Variants in RGS20 observed in about 807,000 individuals in gnomAD.
RGS20 encodes gz-selective GTPase-activating protein.
RGS20 carries 30 observed loss-of-function variants against 33.6 expected under a neutral mutation model. That is an observed-to-expected ratio of 0.89 (90% CI 0.67 to 1.21). The LOEUF is 1.21. Among genes scored for constraint, RGS20 ranks in the 50% most tolerant of loss-of-function variants. RGS20 has a pLI of 0.00. For synonymous variants in RGS20, 208 were observed against 197.9 expected (o/e 1.05, Z -0.43); for missense variants, 472 against 502.4 (o/e 0.94, Z 0.58).
intron 2 of RGS20, among the ~76,000 whole-genome samples, chr8:53,938,096 G>A (rs967821060): frequency 6.6e-6 from 1 of 152,130 alleles, no homozygotes; most frequent in Admixed American, 6.5e-5. Flanking sequence ...TATGTTTATT[G>A]AGGCACTGTT....
Position 53,939,645 on chromosome 8 carries a change from G to T in RGS20, c.580G>T (p.Ala194Ser). Reference sequence around the variant, plus strand: ...CGCCGCCCAGGACACACCAGGCGCCGCCCCAGGCCAGCCCGGAGCGGGGAG... The same window carrying T: ...CGCCGCCCAGGACACACCAGGCGCCTCCCCAGGCCAGCCCGGAGCGGGGAG... Residue 194 changes from alanine to serine, a missense_variant, in exon 3 of 6, where the codon GCC (alanine) becomes TCC (serine). Ala to Ser is a moderately conservative substitution (Grantham distance 99, BLOSUM62 1). Transcript: ENST00000297313. 3.8e-6 allele frequency: 6 copies of T among 1,598,994 alleles called. No homozygotes were observed. The highest frequency in any genetic ancestry group is 4.3e-6 in the Non-Finnish European group (5 of 1,173,820).
Position 53,873,416 on chromosome 8 carries a change from T to C in RGS20, c.166-5842T>C, listed in dbSNP as rs545118542. 2.0e-5 allele frequency among the ~76,000 whole-genome samples: 3 copies of C among 152,352 alleles called. No individual in the cohort carries two copies. The South Asian group carries it at 6.2e-4, about 32-fold the overall frequency. On this transcript the variant is annotated intron_variant, in intron 1 of 5. Coordinates refer to ENST00000297313, the MANE Select transcript of RGS20 (RefSeq NM_170587.4). ...ATTCTCCCCTCTTCTCAGCCTCTAG[T>C]AACCTCTATTCTATTTTCTGTCTCT...
Position 53,879,373 on chromosome 8 carries a change from C to T in RGS20, c.281C>T (p.Pro94Leu), listed in dbSNP as rs1321838968. The change falls in exon 2 of 6, where the codon CCT becomes CTT. Residue 94 changes from proline to leucine, a missense_variant. Coordinates refer to ENST00000297313, the MANE Select transcript of RGS20 (RefSeq NM_170587.4). ...TTCTCTCACCTTCTCCGGCGACCCC[C>T]TCCCGAGGCTCCCCGGAGGCGCCTG... 6.2e-7 allele frequency: 1 copy of T among 1,611,594 alleles called. No homozygotes were observed. The highest frequency in any genetic ancestry group is 1.7e-5 in the Admixed American group (1 of 60,008).
intron 1 of RGS20, among the ~76,000 whole-genome samples, chr8:53,860,086 T>C (rs1362740731): frequency 6.6e-6 from 1 of 152,242 alleles, no homozygotes; most frequent in Admixed American, 6.5e-5. Flanking sequence ...TTGTGTCACT[T>C]AAGAGTTTAT....
chr8:53,898,681 T>C (rs1422372824), intron 2 of RGS20, among the ~76,000 whole-genome samples: 2 of 152,390 alleles, frequency 1.3e-5, no homozygotes, highest in East Asian at 1.9e-4. Flanking sequence ...TAATTGCACA[T>C]ATTTATTGTT....
At chr8:53,883,252 G>C (rs1003997112) in intron 2 of RGS20, among the ~76,000 whole-genome samples, 2 of 151,734 alleles carry the variant, frequency 1.3e-5, no homozygotes, top group African/African-American at 2.4e-5. Flanking sequence ...CGCCTCCTGG[G>C]TTCAAGAGAT....
chr8:53,949,838 C>T (rs914724495), intron 4 of RGS20, among the ~76,000 whole-genome samples: 1 of 140,264 alleles, frequency 7.1e-6, no homozygotes, highest in Non-Finnish European at 1.5e-5. Flanking sequence ...ACACTGTTAA[C>T]ACATTTCTTT....
intron 2 of RGS20, among the ~76,000 whole-genome samples, chr8:53,886,841 A>G (rs1192325395): frequency 6.6e-6 from 1 of 152,238 alleles, no homozygotes; most frequent in Admixed American, 6.5e-5. Flanking sequence ...ATCAACACTT[A>G]TACAGCTGTT....
chr8:53,881,101 C>G lies in RGS20; in HGVS notation c.510+1499C>G, dbSNP rs759930307. The G allele has an allele frequency of 1.9e-5, 28 of 1,510,152 alleles. No individual in the cohort carries two copies. Among genetic ancestry groups the G allele is most frequent in the Non-Finnish European group, 2.5e-5 (28 of 1,137,218 alleles). The allele number at this position is 1,510,152 out of a possible 1,614,324, so 93.5% of individuals were successfully genotyped here. A position where few individuals can be genotyped will look rare whatever the true frequency, so the allele number is the denominator to read the frequency against. Reference sequence around the variant, plus strand: ...GGTGGGCTCGTGAGTATCCCAGTTCCTCGAACTCTCTTTCTTCGTCTCGGG... The same window carrying G: ...GGTGGGCTCGTGAGTATCCCAGTTCGTCGAACTCTCTTTCTTCGTCTCGGG... On this transcript the variant is annotated intron_variant, in intron 2 of 5. Transcript: ENST00000297313.
intron 2 of RGS20, among the ~76,000 whole-genome samples, chr8:53,931,154 T>C (rs1446189041): frequency 1.3e-5 from 2 of 152,140 alleles, no homozygotes; most frequent in Admixed American, 6.5e-5. Context: ...CAGAGCACTG[T>C]GGGTGGTCTC....
rs112379704 is a variant in RGS20, at chr8:53,942,617, G to A, written c.659+2893G>A. Among the ~76,000 whole-genome samples the A allele has an allele frequency of 6.0e-3, 914 of 152,136 alleles. 12 individuals are homozygous for A. Among genetic ancestry groups the A allele is most frequent in the African/African-American group, 0.021 (877 of 41,504 alleles). On this transcript the variant is annotated intron_variant, in intron 3 of 5. Coordinates refer to ENST00000297313, the MANE Select transcript of RGS20 (RefSeq NM_170587.4). The stretch of plus-strand genomic sequence containing the variant: ...TTCTAAAGGGTATAGACAGGAGAAT[G>A]GATGAATATATTGTGGTATAGTTAT...
chr8:53,874,763 T>C (rs539846124), intron 1 of RGS20, among the ~76,000 whole-genome samples: 2 of 152,340 alleles, frequency 1.3e-5, no homozygotes, highest in African/African-American at 4.8e-5. Flanking sequence ...TCTGTGTGTA[T>C]ATCTGTGTCG....
At position 53,879,255 on chromosome 8, in the gene RGS20, C is replaced by A. The variant is rs1191116287; in HGVS notation, c.166-3C>A. ...TGGTTTTGTTTCTCTCTCCCCACCC[C>A]AGTCCTTCCCGCCTGCACAGCTCCC... On this transcript the variant is annotated splice_region_variant and splice_polypyrimidine_tract_variant and intron_variant, in intron 1 of 5. Transcript: ENST00000297313. 5 of 1,613,032 alleles carry A rather than the reference C, an allele frequency of 3.1e-6. No individual in the cohort carries two copies. The East Asian group carries it at 8.9e-5, about 29-fold the overall frequency.
intron 2 of RGS20, chr8:53,933,536 A>C (rs1814037890): frequency 6.6e-6 from 1 of 152,230 alleles, no homozygotes; most frequent in Non-Finnish European, 1.5e-5. Context: ...TTAATGAAAT[A>C]AAGTGTGAAG....
chr8:53,936,923 G>C (rs1460083020), intron 2 of RGS20, among the ~76,000 whole-genome samples: 1 of 152,082 alleles, frequency 6.6e-6, no homozygotes, highest in African/African-American at 2.4e-5. Context: ...CAGAACAGAG[G>C]CCTCAGAAAT....
intron 2 of RGS20, chr8:53,879,883 C>G: frequency 2.6e-6 from 1 of 381,262 alleles, no homozygotes; most frequent in Non-Finnish European, 4.6e-6. Context: ...CGCTCTTCCC[C>G]GAGGCTGCCT....
chr8:53,882,097 C>G (rs927080570), intron 2 of RGS20, among the ~76,000 whole-genome samples: 3 of 152,080 alleles, frequency 2.0e-5, no homozygotes, highest in Non-Finnish European at 4.4e-5. Flanking sequence ...ATCCCCACAC[C>G]CAGCTCGGGC....
intron 1 of RGS20, among the ~76,000 whole-genome samples, chr8:53,861,623 G>A (rs1811810727): frequency 6.6e-6 from 1 of 152,216 alleles, no homozygotes; most frequent in Non-Finnish European, 1.5e-5. Flanking sequence ...CATTTGCCCA[G>A]AGGATCATGT....
At chr8:53,889,413 T>TTTTG (rs1812643677) in intron 2 of RGS20, among the ~76,000 whole-genome samples, 1 of 25,624 alleles carries the variant, frequency 3.9e-5, no homozygotes, top group Non-Finnish European at 6.6e-5. Context: ...TCTCTCTCTC[T>TTTTG]TTTTTTTTTT....
Sources: gnomAD v4.1 joint callset for allele counts (sites outside exome capture counted in the v4.1 genomes callset) on GRCh38, gnomAD v4.1.1 for gene constraint, MANE v1.5 for transcripts, NCBI Gene and HGNC (gene_info 2026-07-23, HGNC 2026-07-21) for gene names.